Variants in NIPAL2 observed in about 807,000 individuals in gnomAD.
The protein encoded by NIPAL2 is NIPA like domain containing 2, also known as NIPA-like protein 2.
Under a neutral mutation model 48.9 loss-of-function variants are expected in NIPAL2, and 43 were observed. The ratio of observed to expected loss-of-function variants is 0.88; its 90% CI spans 0.69 to 1.13. The LOEUF is 1.13. Ranked by LOEUF, NIPAL2 falls within the 50% of genes most tolerant of loss-of-function variation. NIPAL2 has a pLI of 0.00. For missense variants in NIPAL2, 446 were observed against 461.4 expected, an observed-to-expected ratio of 0.97 and a Z score of 0.31; for synonymous variants, 167 against 174.6, an observed-to-expected ratio of 0.96 and a Z score of 0.34.
At chr8:98,223,746 A>G (rs1299030799) in intron 4 of NIPAL2, among the ~76,000 whole-genome samples, 1 of 152,258 alleles carries the variant, frequency 6.6e-6, no homozygotes, top group African/African-American at 2.4e-5. Flanking sequence ...AGTTTCCTAT[A>G]ATGTAACAAT....
At chr8:98,225,635 C>T (rs1020463403) in intron 4 of NIPAL2, among the ~76,000 whole-genome samples, 1 of 149,194 alleles carries the variant, frequency 6.7e-6, no homozygotes, top group East Asian at 2.0e-4. Flanking sequence ...TTTCTTTATC[C>T]TTGACCTTTG....
At chr8:98,258,637 A>G (rs1290399780) in intron 1 of NIPAL2, among the ~76,000 whole-genome samples, 1 of 152,198 alleles carries the variant, frequency 6.6e-6, no homozygotes, top group Non-Finnish European at 1.5e-5. Flanking sequence ...AAAATAGGTG[A>G]GTCTTGGCCA....
Position 98,192,798 on chromosome 8 carries a change from A to C in NIPAL2, c.*180T>G. 1.7e-6 allele frequency: 1 copy of C among 603,516 alleles called. No individual in the cohort carries two copies. Among genetic ancestry groups the C allele is most frequent in the Non-Finnish European group, 2.9e-6 (1 of 339,448 alleles). The allele number at this position is 603,516 out of a possible 1,614,324, so 37.4% of individuals were successfully genotyped here. A position where few individuals can be genotyped will look rare whatever the true frequency, so the allele number is the denominator to read the frequency against. ...ACTCCAAATCACATTCCATGGAAAT[A>C]TTAGACTGTCAGAGCTTAGGAAGTC... On this transcript the variant is annotated 3_prime_UTR_variant, in exon 11 of 11. Transcript: ENST00000430223.
chr8:98,280,759 T>TAGAGAGAGAG (rs765271866), intron 1 of NIPAL2, among the ~76,000 whole-genome samples: 401 of 31,216 alleles, frequency 0.013, 1 homozygote, highest in Non-Finnish European at 0.019. Flanking sequence ...TATATATATA[T>TAGAGAGAGAG]ATAGAGAGAG....
intron 1 of NIPAL2, among the ~76,000 whole-genome samples, chr8:98,291,889 C>G (rs987932411): frequency 2.0e-5 from 3 of 152,202 alleles, no homozygotes; most frequent in African/African-American, 7.2e-5. Context: ...AGCACTCACA[C>G]CTTTGTCTTA....
chr8:98,219,481 G>A (rs1811739712), intron 5 of NIPAL2, among the ~76,000 whole-genome samples: 1 of 152,160 alleles, frequency 6.6e-6, no homozygotes, highest in Admixed American at 6.5e-5. Context: ...AGAAGATGAT[G>A]GGCCAGGGAG....
At chr8:98,238,762 G>T (rs1812844662) in intron 3 of NIPAL2, among the ~76,000 whole-genome samples, 1 of 151,994 alleles carries the variant, frequency 6.6e-6, no homozygotes, top group Admixed American at 6.6e-5. Flanking sequence ...TGAGTGTTTT[G>T]GTTTTAAAAC....
intron 1 of NIPAL2, 120 bp from the exon 2 acceptor site, chr8:98,254,207 C>T: frequency 1.5e-6 from 1 of 682,998 alleles, no homozygotes; most frequent in East Asian, 2.8e-5. Flanking sequence ...CACCCATTTC[C>T]CAGGGTAGGT....
At chr8:98,193,436 A>G (rs748761635) in intron 10 of NIPAL2, 1 of 1,613,584 alleles carries the variant, frequency 6.2e-7, no homozygotes. Context: ...TCGAATGCAT[A>G]TAACAACATA....
At chr8:98,222,657 A>G (rs781053299) in intron 4 of NIPAL2, 57 bp from the exon 5 acceptor site, 69 of 1,573,462 alleles carry the variant, frequency 4.4e-5, no homozygotes, top group Non-Finnish European at 5.2e-5. Flanking sequence ...GCTTTTGTTG[A>G]CGCAGACATT....
At chr8:98,230,287 G>A (rs1169176009) in intron 4 of NIPAL2, among the ~76,000 whole-genome samples, 1 of 152,126 alleles carries the variant, frequency 6.6e-6, no homozygotes, top group Non-Finnish European at 1.5e-5. Context: ...CCTGGCAGAG[G>A]ACCCTGGGGT....
At chr8:98,260,535 C>T (rs868441651) in intron 1 of NIPAL2, among the ~76,000 whole-genome samples, 11 of 152,172 alleles carry the variant, frequency 7.2e-5, no homozygotes, top group African/African-American at 2.4e-4. Context: ...CCTGGAAAAT[C>T]GGGTCACTCC....
intron 5 of NIPAL2, among the ~76,000 whole-genome samples, chr8:98,220,964 CTTTTTTTTTTTTTTTTT>C (rs557824737): frequency 3.4e-4 from 23 of 68,638 alleles, no homozygotes; most frequent in African/African-American, 7.0e-4. Context: ...TCATTTCATT[CTTTTTTTTTTTTTTTTT>C]TTTTTTTTTT....
chr8:98,277,875 T>C (rs1815568253), intron 1 of NIPAL2, among the ~76,000 whole-genome samples: 2 of 152,254 alleles, frequency 1.3e-5, no homozygotes, highest in African/African-American at 4.8e-5. Context: ...CATTCATCCG[T>C]TGATAGATAT....
chr8:98,284,990 G>C (rs1391386035), intron 1 of NIPAL2, among the ~76,000 whole-genome samples: 1 of 152,092 alleles, frequency 6.6e-6, no homozygotes, highest in Non-Finnish European at 1.5e-5. Context: ...AATTCCTTGG[G>C]GGTAAGGAGA....
At chr8:98,245,270 G>A (rs1563518960) in intron 3 of NIPAL2, among the ~76,000 whole-genome samples, 1 of 152,136 alleles carries the variant, frequency 6.6e-6, no homozygotes, top group Non-Finnish European at 1.5e-5. Context: ...CCATATTGAG[G>A]TACTACTACA....
intron 3 of NIPAL2, among the ~76,000 whole-genome samples, chr8:98,240,387 A>C (rs1812924707): frequency 6.6e-6 from 1 of 152,232 alleles, no homozygotes; most frequent in African/African-American, 2.4e-5. Flanking sequence ...CAATAGTCCT[A>C]GCAGGTTAAT....
At chr8:98,260,273 A>G (rs1814214850) in intron 1 of NIPAL2, among the ~76,000 whole-genome samples, 1 of 152,158 alleles carries the variant, frequency 6.6e-6, no homozygotes, top group African/African-American at 2.4e-5. Context: ...GATGAAAACA[A>G]TACCAAGATG....
intron 5 of NIPAL2, among the ~76,000 whole-genome samples, chr8:98,220,284 C>G (rs978489317): frequency 2.0e-5 from 3 of 152,162 alleles, no homozygotes; most frequent in Non-Finnish European, 4.4e-5. Context: ...CAATGTCACA[C>G]TTTTCAATAC....
Sources: gnomAD v4.1 joint callset for allele counts (sites outside exome capture counted in the v4.1 genomes callset) on GRCh38, gnomAD v4.1.1 for gene constraint, MANE v1.5 for transcripts, NCBI Gene and HGNC (gene_info 2026-07-23, HGNC 2026-07-21) for gene names.